GMPS: variants seen among roughly 807,000 people sequenced by gnomAD.
The protein encoded by GMPS is guanosine monophosphate synthase, also known as GMP synthase [glutamine-hydrolyzing].
In GMPS, 15 loss-of-function variants were observed where a neutral mutation model predicts 77.9. The ratio of observed to expected loss-of-function variants is 0.19; its 90% CI spans 0.13 to 0.30. The LOEUF is 0.30. GMPS is among the 10% of genes least tolerant of loss of function. The probability of loss-of-function intolerance (pLI) is 1.00; values close to 1 mark genes in which losing one functional copy is unlikely to be tolerated. For missense variants in GMPS, 590 were observed against 838.8 expected (o/e 0.70, Z 3.66); for synonymous variants, 224 against 275.9 (o/e 0.81, Z 1.86).
At chr3:155,878,684 G>GAT (rs1490014025) in intron 1 of GMPS, among the ~76,000 whole-genome samples, 2 of 152,228 alleles carry the variant, frequency 1.3e-5, no homozygotes, top group Non-Finnish European at 1.5e-5. Context: ...ATAGATAATA[G>GAT]ATATATATAT....
chr3:155,924,164 C>T (rs1035425764), intron 11 of GMPS, among the ~76,000 whole-genome samples: 4 of 152,174 alleles, frequency 2.6e-5, no homozygotes, highest in African/African-American at 9.7e-5. Flanking sequence ...CAGGCGTGAG[C>T]CACTGGGCCC....
chr3:155,911,993 T>A (rs1307811145), intron 7 of GMPS, among the ~76,000 whole-genome samples: 1 of 152,124 alleles, frequency 6.6e-6, no homozygotes, highest in Non-Finnish European at 1.5e-5. Flanking sequence ...ACTTTTTTTT[T>A]AAAGGGCCAC....
intron 10 of GMPS, among the ~76,000 whole-genome samples, chr3:155,920,811 GAATT>G (rs1755301395): frequency 6.6e-6 from 1 of 152,230 alleles, no homozygotes; most frequent in Admixed American, 6.5e-5. Context: ...ATGGACTAGG[GAATT>G]AATTGGACAT....
chr3:155,922,319 C>G lies in GMPS; in HGVS notation c.1434+17C>G, dbSNP rs779254736. 8.7e-6 allele frequency: 8 copies of G among 916,098 alleles called. 1 individual carries two copies. The Middle Eastern group carries it at 1.8e-3, about 207-fold the overall frequency. 56.7% of individuals were successfully genotyped at this position (916,098 alleles called of 1,614,324 possible). ...GTTAAAAAGGTAATATTTGATACAG[C>G]TAATCATTACAAGAAATTGAACGGA... On this transcript the variant is annotated intron_variant, in intron 11 of 15. Coordinates refer to ENST00000496455, the MANE Select transcript of GMPS (RefSeq NM_003875.3).
At chr3:155,912,670 CTTAT>C (rs1755072272) in intron 7 of GMPS, among the ~76,000 whole-genome samples, 1 of 152,050 alleles carries the variant, frequency 6.6e-6, no homozygotes, top group East Asian at 1.9e-4. Context: ...TTTTTAGTAT[CTTAT>C]TTGTTATTCT....
intron 15 of GMPS, 121 bp downstream of exon 15, chr3:155,936,631 G>A (rs1286140225): frequency 8.2e-6 from 5 of 608,068 alleles, no homozygotes; most frequent in Non-Finnish European, 1.4e-5. Flanking sequence ...TCATAAGATA[G>A]GCTTTTTTTT....
intron 4 of GMPS, among the ~76,000 whole-genome samples, chr3:155,905,435 T>A (rs1301798507): frequency 6.6e-6 from 1 of 152,192 alleles, no homozygotes; most frequent in Admixed American, 6.5e-5. Context: ...GTTACTTAAG[T>A]CTCTTAAGTA....
chr3:155,916,130 A>G lies in GMPS; in HGVS notation c.1150A>G (p.Lys384Glu), dbSNP rs1033547652. 6.2e-7 allele frequency: 1 copy of G among 1,613,574 alleles called. No individual in the cohort carries two copies. Among genetic ancestry groups the G allele is most frequent in the Non-Finnish European group, 8.5e-7 (1 of 1,179,644 alleles). ...AAGTGCATCCCTTGTTGCAAGTGGC[A>G]AAGCTGAACTCATCAAAACCCATCA... ...IESASLVASG[K>E]AELIKTHHND... Residue 384 changes from lysine to glutamate, a missense_variant, in exon 9 of 16, where the codon AAA becomes GAA. This residue lies in a region of GMPS where 64 missense variants were observed against 114.5 expected (regional missense o/e 0.56). Coordinates refer to ENST00000496455, the MANE Select transcript of GMPS (RefSeq NM_003875.3).
In GMPS at chr3:155,922,123, T is replaced by G. The variant is rs1206858929; in HGVS notation, c.1319-64T>G. 3.5e-5 allele frequency: 23 copies of G among 660,960 alleles called. No homozygotes were observed. The Admixed American group carries it at 8.7e-4, about 25-fold the overall frequency. 40.9% of individuals were successfully genotyped at this position (660,960 alleles called of 1,614,324 possible). A position where few individuals can be genotyped will look rare whatever the true frequency, so the allele number is the denominator to read the frequency against. ...TGTTTTGAAACTAGTGGCATTTTTA[T>G]ATTAGATTTTTATATTAGAAATATA... On this transcript the variant is annotated intron_variant, in intron 10 of 15. Coordinates refer to ENST00000496455, the MANE Select transcript of GMPS (RefSeq NM_003875.3).
intron 1 of GMPS, among the ~76,000 whole-genome samples, chr3:155,890,448 T>A (rs1435314240): frequency 6.6e-6 from 1 of 152,220 alleles, no homozygotes; most frequent in Non-Finnish European, 1.5e-5. Context: ...TAAAAACTTT[T>A]GTCAATTACA....
At chr3:155,909,684 G>A (rs902385845) in intron 5 of GMPS, among the ~76,000 whole-genome samples, 6 of 151,756 alleles carry the variant, frequency 4.0e-5, no homozygotes, top group South Asian at 2.1e-4. Context: ...GTGCAGTGGC[G>A]CACACCTGTA....
intron 10 of GMPS, among the ~76,000 whole-genome samples, chr3:155,921,733 A>G (rs956464022): frequency 1.3e-5 from 2 of 152,178 alleles, no homozygotes; most frequent in Non-Finnish European, 2.9e-5. Flanking sequence ...TTGAGGCTGC[A>G]GTGAGCAATA....
In GMPS at chr3:155,879,074, C is replaced by G. The variant is rs916220996; in HGVS notation, c.27+8177C>G. On this transcript the variant is annotated intron_variant, in intron 1 of 15. Coordinates refer to ENST00000496455, the MANE Select transcript of GMPS (RefSeq NM_003875.3). ...CCCTAGCCTCAGCTATTGGATAATG[C>G]CTGCTCACATTGGATGAGGGTGGAT... Among the ~76,000 whole-genome samples the G allele has an allele frequency of 2.6e-4, 39 of 152,096 alleles. 1 individual carries two copies. Among genetic ancestry groups the G allele is most frequent in the Admixed American group, 2.2e-3 (33 of 15,260 alleles).
chr3:155,923,484 G>C (rs958344009), intron 11 of GMPS, among the ~76,000 whole-genome samples: 1 of 152,062 alleles, frequency 6.6e-6, no homozygotes, highest in Non-Finnish European at 1.5e-5. Context: ...TTGACACCTA[G>C]TAAGCACATC....
At chr3:155,888,837 G>T (rs1754399723) in intron 1 of GMPS, among the ~76,000 whole-genome samples, 1 of 149,704 alleles carries the variant, frequency 6.7e-6, no homozygotes, top group Admixed American at 6.8e-5. Context: ...CACCCTCTTT[G>T]GCCTCCCAAA....
At chr3:155,878,214 A>G (rs912017475) in intron 1 of GMPS, among the ~76,000 whole-genome samples, 1 of 152,206 alleles carries the variant, frequency 6.6e-6, no homozygotes, top group Admixed American at 6.5e-5. Flanking sequence ...GGGGGACACA[A>G]ACATTCAGAC....
In GMPS at chr3:155,939,436, G is replaced by A. The variant is rs1254563023; in HGVS notation, c.*1744G>A. On this transcript the variant is annotated 3_prime_UTR_variant, in exon 16 of 16. Transcript: ENST00000496455. The stretch of plus-strand genomic sequence containing the variant: ...TTTTGGAAAAATAGAGAGTAAGAAT[G>A]TGTGTTCTATGGAACACTGCTCCAC... The A allele has an allele frequency of 2.0e-5, 4 of 204,434 alleles. No individual in the cohort carries two copies. The highest frequency in any genetic ancestry group is 9.1e-5 in the African/African-American group (4 of 43,826). 12.7% of individuals were successfully genotyped at this position (204,434 alleles called of 1,614,324 possible).
chr3:155,901,101 T>C (rs1037805568), intron 3 of GMPS, among the ~76,000 whole-genome samples: 2 of 152,170 alleles, frequency 1.3e-5, no homozygotes, highest in South Asian at 2.1e-4. Context: ...AATAGAATAT[T>C]GGTAGAGCTT....
At chr3:155,924,125 C>G (rs575850411) in intron 11 of GMPS, among the ~76,000 whole-genome samples, 1 of 152,140 alleles carries the variant, frequency 6.6e-6, no homozygotes, top group Non-Finnish European at 1.5e-5. Context: ...GGTGATCACC[C>G]GCCTCGGCCT....
Sources: gnomAD v4.1 joint callset for allele counts (sites outside exome capture counted in the v4.1 genomes callset) on GRCh38, gnomAD v4.1.1 for gene constraint, gnomAD v4.1.1 regional missense constraint, MANE v1.5 for transcripts, NCBI Gene and HGNC (gene_info 2026-07-23, HGNC 2026-07-21) for gene names.